ZNF133: variants seen among roughly 807,000 people sequenced by gnomAD.
ZNF133 encodes the protein zinc finger protein 133.
A neutral mutation model predicts 54.9 loss-of-function variants in ZNF133; 26 were observed. The ratio of observed to expected loss-of-function variants is 0.47; its 90% CI spans 0.35 to 0.66. The LOEUF is 0.66. ZNF133 is among the 30% of genes least tolerant of loss of function. The pLI, the probability that ZNF133 is intolerant of heterozygous loss-of-function variation, is 0.01. For synonymous variants in ZNF133, 298 were observed against 320.3 expected, an observed-to-expected ratio of 0.93 and a Z score of 0.74; for missense variants, 653 against 820.8, an observed-to-expected ratio of 0.80 and a Z score of 2.50.
intron 1 of ZNF133, among the ~76,000 whole-genome samples, chr20:18,297,761 G>A (rs545284898): frequency 6.6e-6 from 1 of 151,928 alleles, no homozygotes; most frequent in Non-Finnish European, 1.5e-5. Context: ...TTTCTTTGTT[G>A]TTGTTTTTTG....
chr20:18,299,760 C>G (rs1000251502), intron 3 of ZNF133, among the ~76,000 whole-genome samples: 3 of 152,154 alleles, frequency 2.0e-5, no homozygotes, highest in Non-Finnish European at 2.9e-5. Flanking sequence ...CGAAAAACCT[C>G]TCGGGCCAGA....
At chr20:18,303,904 A>G (rs993099340) in intron 3 of ZNF133, among the ~76,000 whole-genome samples, 4 of 152,226 alleles carry the variant, frequency 2.6e-5, no homozygotes, top group African/African-American at 9.6e-5. Flanking sequence ...TGGAAATGAC[A>G]CCAAAACATA....
Position 18,316,916 on chromosome 20 carries a change from G to A in ZNF133, c.*100G>A. The A allele has an allele frequency of 7.3e-7, 1 of 1,377,578 alleles. No homozygotes were observed. The highest frequency in any genetic ancestry group is 9.7e-7 in the Non-Finnish European group (1 of 1,030,754). 85.3% of individuals were successfully genotyped at this position (1,377,578 alleles called of 1,614,324 possible). Reference sequence around the variant, plus strand: ...GTAAGTGGTCAAAGGACATTTGACTGTTTACTTTCTCCACACTAAGTCTTC... The same window carrying A: ...GTAAGTGGTCAAAGGACATTTGACTATTTACTTTCTCCACACTAAGTCTTC... On this transcript the variant is annotated 3_prime_UTR_variant, in exon 7 of 7. Transcript: ENST00000425686.
rs1413541665 is a variant in ZNF133, at chr20:18,305,683, A to G, written c.-4A>G. ...CAGGGCTCAGTTTTGTGTTACAGGCACACATGGCATTCAGGGATGTGGCTG... is the reference window on the plus strand; with the variant it reads ...CAGGGCTCAGTTTTGTGTTACAGGCGCACATGGCATTCAGGGATGTGGCTG... On this transcript the variant is annotated splice_region_variant and 5_prime_UTR_variant, in exon 5 of 7. Transcript: ENST00000425686. This position sits in a 1 kb window ranked among gnomAD's most constrained non-coding sequence, Gnocchi z 4.7. The G allele has an allele frequency of 6.2e-7, 1 of 1,614,150 alleles. No homozygotes were observed. Among genetic ancestry groups the G allele is most frequent in the Non-Finnish European group, 8.5e-7 (1 of 1,180,024 alleles).
Position 18,316,673 on chromosome 20 carries a change from T to A in ZNF133, c.1822T>A (p.Cys608Ser). 1 of 1,614,158 alleles carries A rather than the reference T, an allele frequency of 6.2e-7. No homozygotes were observed. The highest frequency in any genetic ancestry group is 8.5e-7 in the Non-Finnish European group (1 of 1,180,036). The change falls in exon 7 of 7, where the codon TGC (cysteine) becomes AGC (serine). Residue 608 changes from cysteine to serine, a missense_variant. Coordinates refer to ENST00000425686, the MANE Select transcript of ZNF133 (RefSeq NM_001352452.2). ...ACATACGGGGGAGAAGCCATATGTG[T>A]GCAAGACGTGTGGGCGGGGCTTCAG... Reference protein sequence around the residue: ...MTHTGEKPYVCKTCGRGFSLK... With the variant: ...MTHTGEKPYVSKTCGRGFSLK...
chr20:18,311,893 A>G (rs549415749), intron 6 of ZNF133, among the ~76,000 whole-genome samples: 2 of 152,332 alleles, frequency 1.3e-5, no homozygotes, highest in East Asian at 1.9e-4. Flanking sequence ...ACATGTGCCT[A>G]ATCTTACATA....
intron 6 of ZNF133, chr20:18,310,400 A>G: frequency 1.5e-6 from 2 of 1,319,644 alleles, no homozygotes; most frequent in South Asian, 3.4e-5. Context: ...GCTAGTTACA[A>G]GAAAAGTATT....
At chr20:18,296,392 T>C (rs935134059) in intron 1 of ZNF133, among the ~76,000 whole-genome samples, 1 of 152,092 alleles carries the variant, frequency 6.6e-6, no homozygotes, top group Non-Finnish European at 1.5e-5. Context: ...ACTATCTATC[T>C]CCAGAAATAT....
At chr20:18,311,604 G>A (rs569560963) in intron 6 of ZNF133, among the ~76,000 whole-genome samples, 1 of 152,086 alleles carries the variant, frequency 6.6e-6, no homozygotes, top group Non-Finnish European at 1.5e-5. Flanking sequence ...ATTAACATAA[G>A]GCTGATCTCA....
At chr20:18,288,891 G>A (rs1479914087) in intron 1 of ZNF133, among the ~76,000 whole-genome samples, 1 of 152,162 alleles carries the variant, frequency 6.6e-6, no homozygotes, top group African/African-American at 2.4e-5. Flanking sequence ...CTTGTGGGTG[G>A]GGACAGGTTC....
chr20:18,316,803 T>C lies in ZNF133; in HGVS notation c.1952T>C (p.Leu651Ser). Residue 651 changes from leucine (L) to serine (S), a missense_variant, in exon 7 of 7, where the codon TTA (leucine) becomes TCA (serine). By Grantham distance (145) the Leu-to-Ser change is moderately radical. Transcript: ENST00000425686. ...TGTGCAGGGCAACCTTCGGATTCCT[T>C]ATACTCTCTCTGAAGGCAAAGATGG... ...EPCAGQPSDS[L>S]YSL The C allele has an allele frequency of 6.2e-7, 1 of 1,607,456 alleles. No homozygotes were observed.
rs2047327654 is a variant in ZNF133 at position 18,315,798 on chromosome 20, A to G, written c.947A>G (p.His316Arg). The change falls in exon 7 of 7, where the codon CAC (histidine) becomes CGC (arginine). Residue 316 changes from histidine to arginine, a missense_variant. This residue lies in a region of ZNF133 where 292 missense variants were observed against 431.6 expected (regional missense o/e 0.68). Coordinates refer to ENST00000425686, the MANE Select transcript of ZNF133 (RefSeq NM_001352452.2). ...GFSQKSNLII[H>R]QRTHSGEKPY... ...AGCCAGAAGTCAAACCTCATCATAC[A>G]CCAGAGGACACACTCAGGGGAAAAG... 6.2e-7 allele frequency: 1 copy of G among 1,612,406 alleles called. No individual in the cohort carries two copies. The highest frequency in any genetic ancestry group is 1.7e-5 in the Admixed American group (1 of 59,972).
chr20:18,307,995 A>G (rs1402631541), intron 6 of ZNF133, among the ~76,000 whole-genome samples: 1 of 144,252 alleles, frequency 6.9e-6, no homozygotes, highest in Non-Finnish European at 1.5e-5. Context: ...GTTTGTTGTT[A>G]AACAAAGAGA....
chr20:18,291,566 GTCT>G (rs1461875938), intron 1 of ZNF133, among the ~76,000 whole-genome samples: 1 of 152,010 alleles, frequency 6.6e-6, no homozygotes, highest in Non-Finnish European at 1.5e-5. Flanking sequence ...TAGACCTCCT[GTCT>G]TCTTCAGCTA....
rs926035557 is a variant in ZNF133 at position 18,291,055 on chromosome 20, A to G, written c.-432+2451A>G. ...GGCAGGAGAATCTGTCGCCTGGGCA[A>G]CAGAGCAAGACTCCACCTCAAAACA... On this transcript the variant is annotated intron_variant, in intron 1 of 6. Coordinates refer to ENST00000425686, the MANE Select transcript of ZNF133 (RefSeq NM_001352452.2). Among the ~76,000 whole-genome samples the G allele has an allele frequency of 4.6e-5, 7 of 152,140 alleles. 1 individual carries two copies. The highest frequency in any genetic ancestry group is 1.2e-4 in the African/African-American group (5 of 41,442).
At chr20:18,304,298 C>T (rs946396593) in intron 3 of ZNF133, among the ~76,000 whole-genome samples, 6 of 152,182 alleles carry the variant, frequency 3.9e-5, no homozygotes, top group African/African-American at 1.4e-4. Flanking sequence ...AAACAGAACC[C>T]TTGTGCATTG....
chr20:18,293,425 G>A (rs933448231), intron 1 of ZNF133, among the ~76,000 whole-genome samples: 4 of 152,238 alleles, frequency 2.6e-5, no homozygotes, highest in African/African-American at 9.6e-5. Flanking sequence ...AGGGCTTCCA[G>A]CAGGATTGAA....
chr20:18,308,017 G>T (rs1303430037), intron 6 of ZNF133, among the ~76,000 whole-genome samples: 1 of 152,122 alleles, frequency 6.6e-6, no homozygotes, highest in East Asian at 1.9e-4. Flanking sequence ...GTGTATGAAA[G>T]AGTATATATC....
In ZNF133 at chr20:18,298,376, T is replaced by C; in HGVS notation, c.-266T>C. 1 of 1,198,030 alleles carries C rather than the reference T, an allele frequency of 8.3e-7. No individual in the cohort carries two copies. The highest frequency in any genetic ancestry group is 1.0e-6 in the Non-Finnish European group (1 of 956,716). The allele number at this position is 1,198,030 out of a possible 1,614,324, so 74.2% of individuals were successfully genotyped here. On this transcript the variant is annotated 5_prime_UTR_variant, in exon 3 of 7. Coordinates refer to ENST00000425686, the MANE Select transcript of ZNF133 (RefSeq NM_001352452.2). ...TGTGTCCCCACCTAGACAACGATTA[T>C]ACTGGCAGGATCTATCAGGTGTACC...
Sources: allele counts gnomAD v4.1 joint callset (sites outside exome capture counted in the v4.1 genomes callset), GRCh38; gene constraint gnomAD v4.1.1; regional missense constraint gnomAD v4.1.1; non-coding constraint Gnocchi (gnomAD v3.1); transcripts MANE v1.5; gene names NCBI Gene and HGNC (gene_info 2026-07-23, HGNC 2026-07-21).